SPAG16: variants seen among roughly 807,000 people sequenced by gnomAD.
The protein encoded by SPAG16 is sperm-associated antigen 16 protein.
SPAG16 carries 86 observed loss-of-function variants against 80.4 expected under a neutral mutation model. That is an observed-to-expected ratio of 1.07 (90% CI 0.90 to 1.28). SPAG16 has a LOEUF of 1.28. SPAG16 is among the 50% of genes most tolerant of loss of function. The pLI is 0.00. For missense variants in SPAG16, 870 were observed against 765.3 expected (o/e 1.14, Z -1.61); for synonymous variants, 294 against 265.9 (o/e 1.11, Z -1.03).
chr2:213,426,877 ACACACAG>A (rs1486746855), intron 9 of SPAG16, among the ~76,000 whole-genome samples: 4 of 135,354 alleles, frequency 3.0e-5, no homozygotes, highest in African/African-American at 1.1e-4. Flanking sequence ...ACACACACAC[ACACACAG>A]GGCTACACTC....
At chr2:213,307,903 T>A (rs1365293211) in intron 3 of SPAG16, among the ~76,000 whole-genome samples, 1 of 152,184 alleles carries the variant, frequency 6.6e-6, no homozygotes, top group Non-Finnish European at 1.5e-5. Context: ...TTGGAAAGAA[T>A]TTTTGGGGCA....
intron 10 of SPAG16, among the ~76,000 whole-genome samples, chr2:213,662,277 G>A (rs1376712143): frequency 6.6e-6 from 1 of 151,934 alleles, no homozygotes; most frequent in African/African-American, 2.4e-5. Context: ...AGGTGGGAGG[G>A]GTAGCTTAAG....
intron 10 of SPAG16, among the ~76,000 whole-genome samples, chr2:213,634,117 C>G (rs2062265402): frequency 6.6e-6 from 1 of 151,894 alleles, no homozygotes; most frequent in Admixed American, 6.6e-5. Flanking sequence ...TCTTTCCTGT[C>G]TTCTTATAGT....
chr2:213,592,331 G>T (rs1330194207), intron 10 of SPAG16, among the ~76,000 whole-genome samples: 1 of 152,036 alleles, frequency 6.6e-6, no homozygotes, highest in Non-Finnish European at 1.5e-5. Context: ...TCGCTCTAGT[G>T]TTTATTATAT....
chr2:213,865,091 A>G (rs556430787), intron 11 of SPAG16, among the ~76,000 whole-genome samples: 12 of 152,190 alleles, frequency 7.9e-5, no homozygotes, highest in African/African-American at 2.9e-4. Context: ...CTGTCAAGTA[A>G]ACAAAATTTG....
At chr2:213,332,354 T>G (rs1171888513) in intron 5 of SPAG16, among the ~76,000 whole-genome samples, 1 of 152,124 alleles carries the variant, frequency 6.6e-6, no homozygotes, top group Non-Finnish European at 1.5e-5. Flanking sequence ...ATACAAAATA[T>G]GAATAGACCA....
Position 214,228,884 on chromosome 2 carries a change from G to A in SPAG16, c.1720+79618G>A, listed in dbSNP as rs77153902. Among the ~76,000 whole-genome samples the A allele has an allele frequency of 2.5e-3, 387 of 152,018 alleles. 3 individuals carry two copies. The highest frequency in any genetic ancestry group is 8.9e-3 in the African/African-American group (368 of 41,532). On this transcript the variant is annotated intron_variant, in intron 15 of 15. Transcript: ENST00000331683. Reference sequence around the variant, plus strand: ...TTCTTCAAAGCTCCTCAGCTACATTGATGGCAGAACCAATATCTGATTTGA... The same window carrying A: ...TTCTTCAAAGCTCCTCAGCTACATTAATGGCAGAACCAATATCTGATTTGA...
At chr2:214,109,631 G>A (rs2053566664) in intron 14 of SPAG16, among the ~76,000 whole-genome samples, 1 of 152,176 alleles carries the variant, frequency 6.6e-6, no homozygotes, top group Admixed American at 6.5e-5. Flanking sequence ...AATTGAAATT[G>A]TGCTTGTGTC....
At chr2:213,580,382 T>C (rs1286829571) in intron 10 of SPAG16, among the ~76,000 whole-genome samples, 1 of 152,164 alleles carries the variant, frequency 6.6e-6, no homozygotes, top group East Asian at 1.9e-4. Context: ...ATTTGTATGC[T>C]TTTATCTTGA....
At position 213,377,815 on chromosome 2, in the gene SPAG16, A is replaced by G. The variant is rs1340183649; in HGVS notation, c.942+2696A>G. 2.0e-5 allele frequency among the ~76,000 whole-genome samples: 3 copies of G among 151,966 alleles called. No individual in the cohort carries two copies. The East Asian group carries it at 5.8e-4, about 29-fold the overall frequency. Reference sequence around the variant, plus strand: ...GTTCTTTGAACTTGGCAAAATCAGAAAGCTTTTATCCTGATGAGCACTGTA... The same window carrying G: ...GTTCTTTGAACTTGGCAAAATCAGAGAGCTTTTATCCTGATGAGCACTGTA... On this transcript the variant is annotated intron_variant, in intron 9 of 15. Coordinates refer to ENST00000331683, the MANE Select transcript of SPAG16 (RefSeq NM_024532.5).
chr2:213,927,407 A>G (rs1339798775), intron 11 of SPAG16, among the ~76,000 whole-genome samples: 1 of 152,178 alleles, frequency 6.6e-6, no homozygotes, highest in East Asian at 1.9e-4. Context: ...ATTTTAGTGT[A>G]CCATTCTTTT....
chr2:214,184,766 C>T (rs759856859), intron 15 of SPAG16, among the ~76,000 whole-genome samples: 24 of 152,030 alleles, frequency 1.6e-4, no homozygotes, highest in Non-Finnish European at 2.5e-4. Flanking sequence ...CCATATAATT[C>T]AACAAATCAC....
At chr2:213,717,277 G>C (rs1220819824) in intron 10 of SPAG16, among the ~76,000 whole-genome samples, 3 of 151,608 alleles carry the variant, frequency 2.0e-5, no homozygotes, top group South Asian at 4.2e-4. Context: ...TCCGGCCTCA[G>C]GCTCCTGAGT....
At chr2:214,059,648 G>C (rs920307996) in intron 13 of SPAG16, among the ~76,000 whole-genome samples, 1 of 151,698 alleles carries the variant, frequency 6.6e-6, no homozygotes, top group African/African-American at 2.4e-5. Context: ...TGTTTTCTTT[G>C]AGTTCTTCAT....
chr2:214,064,760 T>C (rs1354027779), intron 13 of SPAG16, among the ~76,000 whole-genome samples: 1 of 152,140 alleles, frequency 6.6e-6, no homozygotes, highest in Non-Finnish European at 1.5e-5. Flanking sequence ...AACAGAATTC[T>C]GTAAATTCAC....
intron 10 of SPAG16, among the ~76,000 whole-genome samples, chr2:213,807,008 G>A (rs2071809309): frequency 6.6e-6 from 1 of 151,936 alleles, no homozygotes. Context: ...GTTTTGTTCA[G>A]TCCTTTAAAA....
At chr2:213,758,227 A>T (rs1342436738) in intron 10 of SPAG16, 1 of 153,208 alleles carries the variant, frequency 6.5e-6, no homozygotes, top group Non-Finnish European at 1.5e-5. Flanking sequence ...AAGCAAAATC[A>T]TTGACTGAAG....
intron 9 of SPAG16, among the ~76,000 whole-genome samples, chr2:213,470,442 G>A (rs531201949): frequency 9.8e-5 from 15 of 152,296 alleles, no homozygotes; most frequent in East Asian, 5.8e-4. Context: ...ACCCATATCC[G>A]GAGTAAGTGT....
intron 15 of SPAG16, among the ~76,000 whole-genome samples, chr2:214,293,916 G>A (rs1027469144): frequency 6.6e-6 from 1 of 152,192 alleles, no homozygotes; most frequent in Non-Finnish European, 1.5e-5. Context: ...GGCAGCTATG[G>A]GACATACAGT....
Sources: gnomAD v4.1 joint callset for allele counts (sites outside exome capture counted in the v4.1 genomes callset) on GRCh38, gnomAD v4.1.1 for gene constraint, MANE v1.5 for transcripts, NCBI Gene and HGNC (gene_info 2026-07-23, HGNC 2026-07-21) for gene names.